TAAR1: variants seen among roughly 807,000 people sequenced by gnomAD.
TAAR1 encodes the protein trace amine-associated receptor 1.
TAAR1 carries 1 observed loss-of-function variant against 1.2 expected under a neutral mutation model. That is an observed-to-expected ratio of 0.81 (90% CI 0.29 to 3.86). TAAR1 has a LOEUF of 3.86. Among genes scored for constraint, TAAR1 ranks in the 30% most tolerant of loss-of-function variants. The probability of loss-of-function intolerance (pLI) is 0.18; values close to 1 mark genes in which losing one functional copy is unlikely to be tolerated. For synonymous variants in TAAR1, 153 were observed against 132.2 expected (o/e 1.16, Z -1.08); for missense variants, 445 against 405.6 (o/e 1.10, Z -0.83).
At chr6:132,658,278 C>G (rs758374380) in intron 1 of TAAR1, among the ~76,000 whole-genome samples, 1 of 152,022 alleles carries the variant, frequency 6.6e-6, no homozygotes. Context: ...TGAAACATTG[C>G]TGGAAGTGAA....
At chr6:132,651,251 C>T (rs1368462567) in intron 1 of TAAR1, among the ~76,000 whole-genome samples, 1 of 152,180 alleles carries the variant, frequency 6.6e-6, no homozygotes, top group Non-Finnish European at 1.5e-5. Flanking sequence ...CCTCAGTTCC[C>T]TTTCCTATTC....
chr6:132,644,450 A>T lies in TAAR1; in HGVS notation c.*534T>A, dbSNP rs969097966. Among the ~76,000 whole-genome samples the T allele has an allele frequency of 6.6e-5, 10 of 152,014 alleles. No homozygotes were observed. The highest frequency in any genetic ancestry group is 1.5e-4 in the Non-Finnish European group (10 of 67,946). The stretch of plus-strand genomic sequence containing the variant: ...AGAAGCATGAGAATCAGAAAAACAT[A>T]ATTTAAAAATGTGAAGATCAAGATA... On this transcript the variant is annotated 3_prime_UTR_variant, in exon 2 of 2. Transcript: ENST00000275216.
At chr6:132,656,088 G>A (rs1777801792) in intron 1 of TAAR1, among the ~76,000 whole-genome samples, 1 of 152,144 alleles carries the variant, frequency 6.6e-6, no homozygotes, top group Non-Finnish European at 1.5e-5. Flanking sequence ...AGTCCTGGCT[G>A]GGCCATTCAC....
At chr6:132,650,333 C>T (rs1315923453) in intron 1 of TAAR1, among the ~76,000 whole-genome samples, 1 of 152,216 alleles carries the variant, frequency 6.6e-6, no homozygotes, top group African/African-American at 2.4e-5. Flanking sequence ...TAAGCTCTCT[C>T]ACATTAACAT....
At chr6:132,653,454 T>A (rs979586913) in intron 1 of TAAR1, among the ~76,000 whole-genome samples, 7 of 152,158 alleles carry the variant, frequency 4.6e-5, no homozygotes, top group Non-Finnish European at 8.8e-5. Context: ...ATGTTTGGGT[T>A]TTTGTGTGTG....
rs140827778 is a variant in TAAR1, at chr6:132,649,794, G to A, written c.-126-3665C>T. ...TCCCACCAGGTCCCTTCCATGACAC[G>A]TGGGGATTATGAGAACTACAATTCA... On this transcript the variant is annotated intron_variant, in intron 1 of 1. Coordinates refer to ENST00000275216, the MANE Select transcript of TAAR1 (RefSeq NM_138327.4). Among the ~76,000 whole-genome samples, 1,058 of 152,188 alleles carry A rather than the reference G, an allele frequency of 7.0e-3. 15 individuals carry two copies. The highest frequency in any genetic ancestry group is 0.024 in the African/African-American group (986 of 41,526).
chr6:132,649,326 C>T (rs531259327), intron 1 of TAAR1, among the ~76,000 whole-genome samples: 24 of 152,234 alleles, frequency 1.6e-4, no homozygotes, highest in Admixed American at 4.6e-4. Context: ...TTGTCAATGG[C>T]GGCTGTTTTC....
chr6:132,657,128 G>C lies in TAAR1; in HGVS notation c.-127+2002C>G, dbSNP rs143941960. On this transcript the variant is annotated intron_variant, in intron 1 of 1. Coordinates refer to ENST00000275216, the MANE Select transcript of TAAR1 (RefSeq NM_138327.4). ...AAATTTCAAGGAAACACTTAACATT[G>C]GCCTGAAACTTAAATTCTAACTATC... Among the ~76,000 whole-genome samples the C allele has an allele frequency of 4.5e-3, 684 of 152,166 alleles. 2 individuals are homozygous for C. Among genetic ancestry groups the C allele is most frequent in the African/African-American group, 0.015 (625 of 41,530 alleles).
chr6:132,646,108 T>C lies in TAAR1; in HGVS notation c.-105A>G. On this transcript the variant is annotated 5_prime_UTR_variant, in exon 2 of 2. Coordinates refer to ENST00000275216, the MANE Select transcript of TAAR1 (RefSeq NM_138327.4). Reference sequence around the variant, plus strand: ...TTCCTTCTCATGTTTATTTTTTATTTGCACATACTTATCCCAGAAACCTAG... The same window carrying C: ...TTCCTTCTCATGTTTATTTTTTATTCGCACATACTTATCCCAGAAACCTAG... 2.4e-6 allele frequency: 3 copies of C among 1,272,644 alleles called. No individual in the cohort carries two copies. The highest frequency in any genetic ancestry group is 3.2e-6 in the Non-Finnish European group (3 of 926,578). 78.8% of individuals were successfully genotyped at this position (1,272,644 alleles called of 1,614,324 possible).
In TAAR1 at chr6:132,658,482, T is replaced by C. The variant is rs889348267; in HGVS notation, c.-127+648A>G. Among the ~76,000 whole-genome samples the C allele has an allele frequency of 2.0e-5, 3 of 152,186 alleles. No homozygotes were observed. In the East Asian group the frequency reaches 5.8e-4, roughly 29 times the overall value. Reference sequence around the variant, plus strand: ...GATTTAGGTAATGTAACTAAAAGGTTCTTAAGTTAATTGATCTAATATATG... The same window carrying C: ...GATTTAGGTAATGTAACTAAAAGGTCCTTAAGTTAATTGATCTAATATATG... On this transcript the variant is annotated intron_variant, in intron 1 of 1. Transcript: ENST00000275216.
intron 1 of TAAR1, among the ~76,000 whole-genome samples, chr6:132,646,749 G>C (rs1009096984): frequency 1.3e-5 from 2 of 151,976 alleles, no homozygotes; most frequent in Non-Finnish European, 2.9e-5. Context: ...TTTTTTGTAA[G>C]GAAGACATGA....
chr6:132,655,088 T>C (rs1777789709), intron 1 of TAAR1, among the ~76,000 whole-genome samples: 1 of 151,980 alleles, frequency 6.6e-6, no homozygotes, highest in African/African-American at 2.4e-5. Context: ...TTTAACAAAA[T>C]ACAGTAGCAG....
intron 1 of TAAR1, among the ~76,000 whole-genome samples, chr6:132,657,172 T>C (rs1051117793): frequency 6.6e-6 from 1 of 152,122 alleles, no homozygotes; most frequent in Non-Finnish European, 1.5e-5. Context: ...ACCTAGTTGT[T>C]ATCAGGGGTG....
Position 132,645,160 on chromosome 6 carries a change from G to C in TAAR1, c.844C>G (p.Pro282Ala). Residue 282 changes from proline to alanine, a missense_variant, in exon 2 of 2, where the codon CCA becomes GCA. Physicochemically the swap from Pro to Ala is conservative, Grantham distance 27 (BLOSUM62 -1). Coordinates refer to ENST00000275216, the MANE Select transcript of TAAR1 (RefSeq NM_138327.4). ...ATCAATACATCATTCAAAGTAGGTG[G>C]AATAATGTAGTGAAGAAAAGGGTCC... ...VMDPFLHYII[P>A]PTLNDVLIWF... The C allele has an allele frequency of 6.2e-7, 1 of 1,612,640 alleles. No homozygotes were observed. Among genetic ancestry groups the C allele is most frequent in the Admixed American group, 1.7e-5 (1 of 59,762 alleles).
Position 132,653,861 on chromosome 6 carries a change from A to G in TAAR1, c.-127+5269T>C, listed in dbSNP as rs557128151. Among the ~76,000 whole-genome samples, 3 of 152,318 alleles carry G rather than the reference A, an allele frequency of 2.0e-5. No homozygotes were observed. In the South Asian group the frequency reaches 6.2e-4, roughly 32 times the overall value. ...TAATGTTTCATTTGGTTCTTGCCCAATCGGTGACCATCGGAGCATCATAAA... is the reference window on the plus strand; with the variant it reads ...TAATGTTTCATTTGGTTCTTGCCCAGTCGGTGACCATCGGAGCATCATAAA... On this transcript the variant is annotated intron_variant, in intron 1 of 1. Coordinates refer to ENST00000275216, the MANE Select transcript of TAAR1 (RefSeq NM_138327.4).
At position 132,643,416 on chromosome 6, in the gene TAAR1, A is replaced by G. The variant is rs956150776; in HGVS notation, c.*1568T>C. On this transcript the variant is annotated 3_prime_UTR_variant, in exon 2 of 2. Transcript: ENST00000275216. Reference sequence around the variant, plus strand: ...GGTGAAAAAAACTCTTTTGAAACTGAGAGTGATTAGGGACACTACTTATTT... The same window carrying G: ...GGTGAAAAAAACTCTTTTGAAACTGGGAGTGATTAGGGACACTACTTATTT... Among the ~76,000 whole-genome samples the G allele has an allele frequency of 6.6e-6, 1 of 152,026 alleles. No homozygotes were observed. Among genetic ancestry groups the G allele is most frequent in the African/African-American group, 2.4e-5 (1 of 41,434 alleles).
Position 132,646,043 on chromosome 6 carries a change from GTTGAT to G in TAAR1, c.-45_-41del. ...AATCAGTTTACTTTTCCCTTTGTGT[GTTGAT>G]TTATCTTTTTCCCAAATCCATAATC... On this transcript the variant is annotated 5_prime_UTR_variant, in exon 2 of 2. Coordinates refer to ENST00000275216, the MANE Select transcript of TAAR1 (RefSeq NM_138327.4). 2 of 1,524,534 alleles carry G rather than the reference GTTGAT, an allele frequency of 1.3e-6. No individual in the cohort carries two copies. The highest frequency in any genetic ancestry group is 1.3e-5 in the South Asian group (1 of 75,896). The allele number at this position is 1,524,534 out of a possible 1,614,324, so 94.4% of individuals were successfully genotyped here.
rs141135312 is a variant in TAAR1, at chr6:132,645,254, C to A, written c.750G>T (p.Val250=). The change falls in exon 2 of 2, where the codon GTG becomes GTT. Residue 250 remains valine, a synonymous_variant. Transcript: ENST00000275216. The part of the protein sequence containing the change: ...GISQSKERKA[V]KTLGIVMGVF... ...CTCCCATCACAATCCCCAATGTCTT[C>A]ACAGCTTTCCTTTCTTTGCTTTGTG... The A allele has an allele frequency of 1.1e-5, 17 of 1,613,634 alleles. No homozygotes were observed. The South Asian group carries it at 1.5e-4, about 15-fold the overall frequency.
In TAAR1 at chr6:132,645,785, C is replaced by G. The variant is rs371135090; in HGVS notation, c.219G>C (p.Gly73=). The G allele has an allele frequency of 6.2e-7, 1 of 1,613,684 alleles. No individual in the cohort carries two copies. The highest frequency in any genetic ancestry group is 8.5e-7 in the Non-Finnish European group (1 of 1,179,816). ...HSMATVDFLL[G]CLVMPYSMVR... is the part of the protein sequence containing the mutation. Reference sequence around the variant, plus strand: ...CCATACTGTAAGGCATGACCAGACACCCCAGAAGAAAGTCCACAGTGGCCA... The same window carrying G: ...CCATACTGTAAGGCATGACCAGACAGCCCAGAAGAAAGTCCACAGTGGCCA... Residue 73 remains glycine (G), a synonymous_variant, in exon 2 of 2, where the codon GGG becomes GGC. Transcript: ENST00000275216.
Sources: gnomAD v4.1 joint callset for allele counts (sites outside exome capture counted in the v4.1 genomes callset) on GRCh38, gnomAD v4.1.1 for gene constraint, MANE v1.5 for transcripts, NCBI Gene and HGNC (gene_info 2026-07-23, HGNC 2026-07-21) for gene names.